Variants in RCOR1 observed in about 807,000 individuals in gnomAD.
RCOR1 encodes REST corepressor 1, also known as REST corepressor.
RCOR1 carries 12 observed loss-of-function variants against 64.0 expected under a neutral mutation model. The ratio of observed to expected loss-of-function variants is 0.19; its 90% CI spans 0.12 to 0.30. The LOEUF is 0.30. RCOR1 is among the 10% of genes least tolerant of loss of function. RCOR1 has a pLI of 1.00. For missense variants in RCOR1, 502 were observed against 621.2 expected (o/e 0.81, Z 2.04); for synonymous variants, 279 against 227.2 (o/e 1.23, Z -2.05).
chr14:102,611,543 G>A (rs1893636725), intron 2 of RCOR1, among the ~76,000 whole-genome samples: 1 of 152,048 alleles, frequency 6.6e-6, no homozygotes, highest in South Asian at 2.1e-4. Context: ...TTACTTTGTT[G>A]GAGGCTGGAT....
intron 11 of RCOR1, among the ~76,000 whole-genome samples, chr14:102,722,695 A>G (rs1330573475): frequency 1.3e-5 from 2 of 152,340 alleles, no homozygotes; most frequent in African/African-American, 4.8e-5. Context: ...TAAATACAGT[A>G]AAATCTTGAG....
At chr14:102,721,665 T>C in intron 10 of RCOR1, 1 of 276,476 alleles carries the variant, frequency 3.6e-6, no homozygotes, top group Admixed American at 4.9e-5. Flanking sequence ...TGGACAATTA[T>C]GTCCTAGTGG....
At chr14:102,644,111 C>CAGTA (rs1474344059) in intron 2 of RCOR1, among the ~76,000 whole-genome samples, 2 of 152,184 alleles carry the variant, frequency 1.3e-5, no homozygotes, top group African/African-American at 4.8e-5. Flanking sequence ...TGGAGCTGAA[C>CAGTA]AGTAGGGTGC....
At chr14:102,726,437 CTTT>C (rs372942415) in intron 11 of RCOR1, 28 bp from the exon 12 acceptor site, 2,809 of 1,389,896 alleles carry the variant, frequency 2.0e-3, no homozygotes, top group Admixed American at 3.3e-3. Flanking sequence ...CTCTTTGATC[CTTT>C]TTTTTTTTTT....
chr14:102,598,039 C>T (rs1273336340), intron 2 of RCOR1, among the ~76,000 whole-genome samples: 1 of 152,124 alleles, frequency 6.6e-6, no homozygotes, highest in Non-Finnish European at 1.5e-5. Flanking sequence ...TCAGGCTGGT[C>T]GTGAACTCCC....
At chr14:102,656,170 C>G (rs559466414) in intron 2 of RCOR1, 2 of 941,362 alleles carry the variant, frequency 2.1e-6, no homozygotes, top group South Asian at 9.8e-5. Context: ...GACAGAGTCT[C>G]GCTGTGTCGC....
chr14:102,700,283 G>A (rs1215689128), intron 3 of RCOR1, among the ~76,000 whole-genome samples: 2 of 151,856 alleles, frequency 1.3e-5, no homozygotes, highest in African/African-American at 4.9e-5. Flanking sequence ...GTGCAGTGGT[G>A]CAATCTTGGT....
Position 102,638,030 on chromosome 14 carries a change from CA to C in RCOR1, c.362-43856del, listed in dbSNP as rs549927630. Reference sequence around the variant, plus strand: ...AAACAATATTGGCTTCAAAAACGAACAAAAAAAAATTTAACTTCCCCCAGAT... The same window carrying C: ...AAACAATATTGGCTTCAAAAACGAACAAAAAAAATTTAACTTCCCCCAGAT... On this transcript the variant is annotated intron_variant, in intron 2 of 11. Transcript: ENST00000262241. 1.1e-4 allele frequency among the ~76,000 whole-genome samples: 17 copies of C among 151,640 alleles called. No individual in the cohort carries two copies. In the South Asian group the frequency reaches 3.5e-3, roughly 32 times the overall value.
chr14:102,625,299 G>A (rs768175817), intron 2 of RCOR1, among the ~76,000 whole-genome samples: 1 of 135,482 alleles, frequency 7.4e-6, no homozygotes, highest in African/African-American at 2.8e-5. Flanking sequence ...GCAATGGCAC[G>A]ATCTTGGCTC....
chr14:102,681,985 C>T lies in RCOR1; in HGVS notation c.445+7C>T. On this transcript the variant is annotated splice_region_variant and intron_variant, in intron 3 of 11. Transcript: ENST00000262241. ...AATCTGTCAGAAGCAAAGTGTAAGTCTTGGAGCACTTTATTTTCCACCTTT... is the reference window on the plus strand; with the variant it reads ...AATCTGTCAGAAGCAAAGTGTAAGTTTTGGAGCACTTTATTTTCCACCTTT... 2 of 1,596,736 alleles carry T rather than the reference C, an allele frequency of 1.3e-6. No homozygotes were observed. The highest frequency in any genetic ancestry group is 1.7e-6 in the Non-Finnish European group (2 of 1,164,646).
At chr14:102,634,975 T>C (rs903275929) in intron 2 of RCOR1, among the ~76,000 whole-genome samples, 1 of 151,516 alleles carries the variant, frequency 6.6e-6, no homozygotes, top group African/African-American at 2.4e-5. Flanking sequence ...CCCAAAGTGA[T>C]AGGATTACAG....
chr14:102,708,124 C>T (rs536031664), intron 5 of RCOR1, among the ~76,000 whole-genome samples: 1 of 152,194 alleles, frequency 6.6e-6, no homozygotes, highest in Admixed American at 6.5e-5. Context: ...CGCTACCACG[C>T]CCGGCTAATT....
At chr14:102,644,949 T>G (rs768773154) in intron 2 of RCOR1, among the ~76,000 whole-genome samples, 4 of 152,222 alleles carry the variant, frequency 2.6e-5, no homozygotes, top group Non-Finnish European at 4.4e-5. Flanking sequence ...TTTTTATAGC[T>G]GAGTAGTTTT....
At chr14:102,692,359 C>A (rs933628962) in intron 3 of RCOR1, among the ~76,000 whole-genome samples, 1 of 151,770 alleles carries the variant, frequency 6.6e-6, no homozygotes, top group Admixed American at 6.6e-5. Context: ...TATACCTACC[C>A]TTAGAAAACA....
rs1300065853 is a variant in RCOR1 at position 102,707,797 on chromosome 14, C to CT, written c.660+296dup. 1.3e-3 allele frequency among the ~76,000 whole-genome samples: 174 copies of CT among 130,758 alleles called. 1 individual carries two copies. The highest frequency in any genetic ancestry group is 7.5e-3 in the Middle Eastern group (2 of 266). The allele number at this position is 130,758 out of a possible 152,430, so 85.8% of individuals were successfully genotyped here. Reference sequence around the variant, plus strand: ...CAAAAGATTAGACCCATACGAAGGACTTTTTTTTTTTAGACGGAGTCTCGC... The same window carrying CT: ...CAAAAGATTAGACCCATACGAAGGACTTTTTTTTTTTTAGACGGAGTCTCGC... On this transcript the variant is annotated intron_variant, in intron 5 of 11. Transcript: ENST00000262241.
rs112224505 is a variant in RCOR1, at chr14:102,714,941, A to G, written c.1053+324A>G. Among the ~76,000 whole-genome samples, 1,015 of 152,268 alleles carry G rather than the reference A, an allele frequency of 6.7e-3. 13 individuals carry two copies. Among genetic ancestry groups the G allele is most frequent in the African/African-American group, 0.024 (982 of 41,528 alleles). Reference sequence around the variant, plus strand: ...ACCCTAGTAACCTGCATCTGGATCAAAAAATGGAATGTTGCCCCCAGGCCC... The same window carrying G: ...ACCCTAGTAACCTGCATCTGGATCAGAAAATGGAATGTTGCCCCCAGGCCC... On this transcript the variant is annotated intron_variant, in intron 8 of 11. Coordinates refer to ENST00000262241, the MANE Select transcript of RCOR1 (RefSeq NM_015156.4).
chr14:102,645,661 C>T (rs1894463060), intron 2 of RCOR1, among the ~76,000 whole-genome samples: 1 of 152,158 alleles, frequency 6.6e-6, no homozygotes, highest in Non-Finnish European at 1.5e-5. Context: ...CTTCCAGGTG[C>T]CAAAATCTGT....
At chr14:102,638,366 G>A (rs989842787) in intron 2 of RCOR1, among the ~76,000 whole-genome samples, 1 of 152,086 alleles carries the variant, frequency 6.6e-6, no homozygotes, top group African/African-American at 2.4e-5. Context: ...TTATAGCGTT[G>A]TCTTCTTTTC....
intron 3 of RCOR1, among the ~76,000 whole-genome samples, chr14:102,683,954 G>A (rs560788431): frequency 2.0e-5 from 3 of 152,308 alleles, no homozygotes; most frequent in South Asian, 4.1e-4. Context: ...TGGGGGAGGC[G>A]CCTGGGTGCG....
Sources: gnomAD v4.1 joint callset for allele counts (sites outside exome capture counted in the v4.1 genomes callset) on GRCh38, gnomAD v4.1.1 for gene constraint, MANE v1.5 for transcripts, NCBI Gene and HGNC (gene_info 2026-07-23, HGNC 2026-07-21) for gene names.